NUP62CL: variants seen among roughly 807,000 people sequenced by gnomAD.
The protein encoded by NUP62CL is nucleoporin-62 C-terminal-like protein.
A neutral mutation model predicts 15.3 loss-of-function variants in NUP62CL; 13 were observed. That is an observed-to-expected ratio of 0.85 (90% CI 0.55 to 1.35). NUP62CL has a LOEUF of 1.35. NUP62CL is among the 40% of genes most tolerant of loss of function. NUP62CL has a pLI of 0.00. For missense variants in NUP62CL, 123 were observed against 130.6 expected (o/e 0.94, Z 0.28); for synonymous variants, 54 against 49.2 (o/e 1.10, Z -0.41).
intron 8 of NUP62CL, among the ~76,000 whole-genome samples, chrX:107,136,750 T>C (rs1408536628): frequency 8.9e-6 from 1 of 112,499 alleles, no homozygotes; most frequent in African/African-American, 3.2e-5. Flanking sequence ...TCCACATATG[T>C]AAGGCTGACT....
intron 8 of NUP62CL, among the ~76,000 whole-genome samples, chrX:107,138,408 C>T (rs1052223336): frequency 9.0e-6 from 1 of 111,436 alleles, no homozygotes; most frequent in African/African-American, 3.3e-5. Context: ...ATTTGCAAAC[C>T]ACATATGTGA....
rs1460388578 is a variant in NUP62CL, at chrX:107,144,516, T to A, written c.*42+3227A>T. 4.4e-5 allele frequency among the ~76,000 whole-genome samples: 5 copies of A among 112,421 alleles called. No homozygotes were observed. In the Admixed American group the frequency reaches 4.7e-4, roughly 11 times the overall value. ...GCTGAAAGCCTTGAGATTTCATTTATGACAAAGAGAATCCCTGCCAAGAGA... is the reference window on the plus strand; with the variant it reads ...GCTGAAAGCCTTGAGATTTCATTTAAGACAAAGAGAATCCCTGCCAAGAGA... On this transcript the variant is annotated intron_variant, in intron 8 of 8. Coordinates refer to ENST00000372466, the MANE Select transcript of NUP62CL (RefSeq NM_017681.3).
intron 8 of NUP62CL, among the ~76,000 whole-genome samples, chrX:107,134,674 G>A (rs957476815): frequency 7.3e-5 from 8 of 109,377 alleles, no homozygotes; most frequent in South Asian, 4.0e-4. Context: ...GGCTGGTGTC[G>A]GACTCATGAG....
chrX:107,152,049 G>GATATATATATATATAT (rs778670339), intron 7 of NUP62CL, among the ~76,000 whole-genome samples: 6 of 41,126 alleles, frequency 1.5e-4, no homozygotes, highest in African/African-American at 6.1e-4. Flanking sequence ...TATATATTCA[G>GATATATATATATATAT]ATATATATAT....
At chrX:107,132,170 A>T (rs1925533430) in intron 8 of NUP62CL, 6 of 1,130,896 alleles carry the variant, frequency 5.3e-6, no homozygotes, top group Non-Finnish European at 4.9e-6. Context: ...AGTTGTGAAC[A>T]GGAGAAACCA....
At chrX:107,152,055 T>TATATATATATATATATATATATATTCAG (rs1569356976) in intron 7 of NUP62CL, among the ~76,000 whole-genome samples, 1 of 68,951 alleles carries the variant, frequency 1.5e-5, no homozygotes, top group African/African-American at 7.2e-5. Context: ...TTCAGATATA[T>TATATATATATATATATATATATATTCAG]ATATATATAT....
intron 8 of NUP62CL, among the ~76,000 whole-genome samples, chrX:107,139,652 C>T (rs767629508): frequency 3.7e-4 from 42 of 112,014 alleles, no homozygotes; most frequent in African/African-American, 1.2e-3. Flanking sequence ...CAGCCTTCAC[C>T]GTATGTTTCC....
chrX:107,166,463 G>A (rs1465534266), intron 4 of NUP62CL, among the ~76,000 whole-genome samples: 2 of 111,877 alleles, frequency 1.8e-5, no homozygotes, highest in Non-Finnish European at 3.8e-5. Flanking sequence ...TTGCTAGTGG[G>A]CATGTAAAAT....
intron 7 of NUP62CL, 88 bp from the exon 8 acceptor site, chrX:107,147,897 CTT>C (rs1371360643): frequency 4.3e-6 from 3 of 696,655 alleles, no homozygotes; most frequent in Non-Finnish European, 6.7e-6. Flanking sequence ...TAGGAAGTGA[CTT>C]TTAATTTCTT....
At chrX:107,151,573 G>A (rs768330417) in intron 7 of NUP62CL, among the ~76,000 whole-genome samples, 1 of 109,493 alleles carries the variant, frequency 9.1e-6, no homozygotes, top group South Asian at 4.0e-4. Flanking sequence ...ATGTTTATGA[G>A]AATTAAAGTG....
At chrX:107,153,387 GAAA>G in intron 6 of NUP62CL, 64 bp downstream of exon 6, 1 of 961,409 alleles carries the variant, frequency 1.0e-6, no homozygotes, top group Non-Finnish European at 1.4e-6. Context: ...ACTACAGAAG[GAAA>G]AAAAAAACAC....
chrX:107,160,022 C>G (rs373733474), intron 4 of NUP62CL, among the ~76,000 whole-genome samples: 41 of 94,271 alleles, frequency 4.3e-4, no homozygotes, highest in Admixed American at 8.4e-4. Flanking sequence ...GAGTGAACTC[C>G]CATTCACAAT....
At chrX:107,204,538 C>T (rs1193825563) in intron 1 of NUP62CL, among the ~76,000 whole-genome samples, 1 of 109,778 alleles carries the variant, frequency 9.1e-6, no homozygotes, top group African/African-American at 3.3e-5. Flanking sequence ...AACATTTGTT[C>T]CCCAAGAAGA....
intron 2 of NUP62CL, among the ~76,000 whole-genome samples, chrX:107,180,062 C>T (rs1342073140): frequency 9.0e-6 from 1 of 111,683 alleles, no homozygotes; most frequent in African/African-American, 3.3e-5. Flanking sequence ...AGGTGTTCAA[C>T]CTCATTTTTA....
At chrX:107,150,520 C>G (rs1211333205) in intron 7 of NUP62CL, among the ~76,000 whole-genome samples, 1 of 112,192 alleles carries the variant, frequency 8.9e-6, no homozygotes, top group Non-Finnish European at 1.9e-5. Context: ...TTTCTAGAGA[C>G]AGGATCTCAC....
At chrX:107,205,491 T>G (rs1927653935) in intron 1 of NUP62CL, among the ~76,000 whole-genome samples, 1 of 111,173 alleles carries the variant, frequency 9.0e-6, no homozygotes, top group African/African-American at 3.3e-5. Context: ...TAATCAAACT[T>G]CACTATCTCT....
At chrX:107,163,301 G>A (rs778193891) in intron 4 of NUP62CL, among the ~76,000 whole-genome samples, 6 of 111,441 alleles carry the variant, frequency 5.4e-5, no homozygotes, top group Admixed American at 1.9e-4. Context: ...TGACTACACT[G>A]TTGTAAGTAA....
chrX:107,170,547 G>C (rs1022465710), intron 3 of NUP62CL, among the ~76,000 whole-genome samples: 2 of 109,647 alleles, frequency 1.8e-5, no homozygotes, highest in Non-Finnish European at 3.8e-5. Flanking sequence ...CGAGTAGCTG[G>C]GACTACAGGC....
chrX:107,189,868 A>AGGAAGG (rs752719530), intron 2 of NUP62CL, among the ~76,000 whole-genome samples: 2 of 66,929 alleles, frequency 3.0e-5, no homozygotes, highest in African/African-American at 5.5e-5. Flanking sequence ...GAAGGAAGGA[A>AGGAAGG]AAAGAAAGAA....
Sources: gnomAD v4.1 joint callset for allele counts (sites outside exome capture counted in the v4.1 genomes callset) on GRCh38, gnomAD v4.1.1 for gene constraint, MANE v1.5 for transcripts, NCBI Gene and HGNC (gene_info 2026-07-23, HGNC 2026-07-21) for gene names.